The following KLHL4 variants were observed in gnomAD, a reference collection of about 807,000 sequenced individuals.
The protein encoded by KLHL4 is kelch-like protein 4.
KLHL4 carries 17 observed loss-of-function variants against 45.8 expected under a neutral mutation model. The observed-to-expected ratio is 0.37, with a 90% CI of 0.25 to 0.56. The LOEUF is 0.56. Ranked by LOEUF, KLHL4 falls within the 20% of genes least tolerant of loss-of-function variation. The pLI is 0.79. For synonymous variants in KLHL4, 224 were observed against 189.9 expected (o/e 1.18, Z -1.47); for missense variants, 544 against 544.9 (o/e 1.00, Z 0.02).
intron 1 of KLHL4, among the ~76,000 whole-genome samples, chrX:87,609,785 T>C (rs926289086): frequency 6.3e-5 from 7 of 111,674 alleles, no homozygotes; most frequent in African/African-American, 2.3e-4. Flanking sequence ...ATTTGTCAAT[T>C]TTGGCTTGTG....
At chrX:87,648,959 C>A (rs1923722950) in intron 9 of KLHL4, among the ~76,000 whole-genome samples, 2 of 111,421 alleles carry the variant, frequency 1.8e-5, no homozygotes, top group Admixed American at 1.9e-4. Flanking sequence ...CTGAAGAAAA[C>A]CACATTAGTT....
intron 1 of KLHL4, among the ~76,000 whole-genome samples, chrX:87,568,391 C>CTTT (rs58586775): frequency 0.026 from 1,469 of 57,391 alleles, 43 homozygotes; most frequent in Non-Finnish European, 0.033. Context: ...TTCTTTTTTT[C>CTTT]TTTTTTTTTT....
intron 8 of KLHL4, among the ~76,000 whole-genome samples, chrX:87,634,931 ATGTC>A (rs1179523002): frequency 8.9e-6 from 1 of 111,745 alleles, no homozygotes; most frequent in Non-Finnish European, 1.9e-5. Context: ...GGATTAATAA[ATGTC>A]TGTCTTCTTT....
intron 1 of KLHL4, among the ~76,000 whole-genome samples, chrX:87,546,767 C>G (rs1931692661): frequency 8.9e-6 from 1 of 112,624 alleles, no homozygotes; most frequent in African/African-American, 3.2e-5. Context: ...GATGTGGGAG[C>G]CCACCCTTTG....
chrX:87,629,944 T>A (rs968358890), intron 6 of KLHL4, among the ~76,000 whole-genome samples: 3 of 111,919 alleles, frequency 2.7e-5, no homozygotes, highest in Non-Finnish European at 5.6e-5. Context: ...CAATTGCTAA[T>A]GTATAAATCA....
chrX:87,568,383 CTTTTTTTCTTTTTTTTTTT>C (rs1195364899), intron 1 of KLHL4, among the ~76,000 whole-genome samples: 2 of 59,250 alleles, frequency 3.4e-5, no homozygotes, highest in African/African-American at 1.3e-4. Flanking sequence ...TTTTTCTTTT[CTTTTTTTCTTTTTTTTTTT>C]TTTTTTTTGC....
intron 1 of KLHL4, among the ~76,000 whole-genome samples, chrX:87,536,976 A>G (rs183913518): frequency 1.4e-4 from 16 of 111,707 alleles, no homozygotes; most frequent in African/African-American, 5.2e-4. Flanking sequence ...TTTACTTTTC[A>G]TATTGTATCA....
intron 1 of KLHL4, among the ~76,000 whole-genome samples, chrX:87,528,576 G>A (rs1043296620): frequency 1.8e-5 from 2 of 108,147 alleles, no homozygotes; most frequent in African/African-American, 3.4e-5. Flanking sequence ...TTAGCTCAGC[G>A]TGGTGGCACG....
chrX:87,532,057 G>A (rs980704208), intron 1 of KLHL4, among the ~76,000 whole-genome samples: 1 of 109,776 alleles, frequency 9.1e-6, no homozygotes, highest in Non-Finnish European at 1.9e-5. Flanking sequence ...AAAGCTGGAG[G>A]CATCACACTA....
chrX:87,620,727 T>G (rs1356296754), intron 4 of KLHL4, among the ~76,000 whole-genome samples: 1 of 112,437 alleles, frequency 8.9e-6, no homozygotes, highest in Non-Finnish European at 1.9e-5. Flanking sequence ...TTCAGAGGCT[T>G]ATGCTTGAAT....
chrX:87,522,071 A>G (rs1311023984), intron 1 of KLHL4, among the ~76,000 whole-genome samples: 6 of 112,770 alleles, frequency 5.3e-5, no homozygotes, highest in African/African-American at 1.9e-4. Flanking sequence ...TTCATCCTCA[A>G]CACAAACCCA....
At chrX:87,531,269 A>G (rs1931269299) in intron 1 of KLHL4, among the ~76,000 whole-genome samples, 1 of 110,300 alleles carries the variant, frequency 9.1e-6, no homozygotes, top group African/African-American at 3.3e-5. Context: ...TCTTTAGTTT[A>G]ATTAGATCCC....
rs756469573 is a variant in KLHL4, at chrX:87,568,383, CTTT to C, written c.423-45489_423-45487del. On this transcript the variant is annotated intron_variant, in intron 1 of 10. Coordinates refer to ENST00000373119, the MANE Select transcript of KLHL4 (RefSeq NM_019117.5). The stretch of plus-strand genomic sequence containing the variant: ...CTACAGCTTTTTTTCTTTTTCTTTT[CTTT>C]TTTTCTTTTTTTTTTTTTTTTTTTG... Among the ~76,000 whole-genome samples the C allele has an allele frequency of 1.0e-4, 6 of 59,248 alleles. No homozygotes were observed. In the Admixed American group the frequency reaches 1.1e-3, roughly 11 times the overall value. The allele number at this position is 59,248 out of a possible 115,157, so 51.4% of individuals were successfully genotyped here.
chrX:87,547,145 T>A (rs1931700490), intron 1 of KLHL4, among the ~76,000 whole-genome samples: 1 of 111,216 alleles, frequency 9.0e-6, no homozygotes, highest in Non-Finnish European at 1.9e-5. Context: ...AATAATATGG[T>A]TTGGCTTTGT....
In KLHL4 at chrX:87,669,600, GAAA is replaced by G; in HGVS notation, c.*3077_*3079del. On this transcript the variant is annotated 3_prime_UTR_variant, in exon 11 of 11. Coordinates refer to ENST00000373119, the MANE Select transcript of KLHL4 (RefSeq NM_019117.5). ...ACCTTGAGATCTTAGTCTAGGTAAA[GAAA>G]AAAAAAAAAAGGTCATGAAACACAA... is the stretch of plus-strand genomic sequence containing the variant. The G allele has an allele frequency of 1.1e-4, 26 of 231,456 alleles. No homozygotes were observed. Among genetic ancestry groups the G allele is most frequent in the Middle Eastern group, 1.3e-3 (1 of 793 alleles). The allele number at this position is 231,456 out of a possible 1,213,427, so 19.1% of individuals were successfully genotyped here.
At chrX:87,533,597 T>G (rs1457422224) in intron 1 of KLHL4, among the ~76,000 whole-genome samples, 2 of 106,961 alleles carry the variant, frequency 1.9e-5, no homozygotes, top group African/African-American at 6.8e-5. Context: ...GAGATATACC[T>G]AATGCTAAAT....
intron 1 of KLHL4, among the ~76,000 whole-genome samples, chrX:87,600,889 A>G (rs1327237316): frequency 8.9e-6 from 1 of 112,148 alleles, no homozygotes; most frequent in East Asian, 2.8e-4. Flanking sequence ...AAAGATATCC[A>G]TAGAAAAGCA....
chrX:87,525,890 C>T (rs755646845), intron 1 of KLHL4, among the ~76,000 whole-genome samples: 1 of 111,229 alleles, frequency 9.0e-6, no homozygotes, highest in Non-Finnish European at 1.9e-5. Flanking sequence ...TCATCCCTTG[C>T]ATGCTTTTAA....
chrX:87,600,192 A>C (rs5922459), intron 1 of KLHL4, among the ~76,000 whole-genome samples: 52,690 of 109,899 alleles, frequency 0.48, 9,513 homozygotes, highest in Middle Eastern at 0.64. Flanking sequence ...GGTCATTTAA[A>C]AGTGTGTAGC....
Sources: allele counts gnomAD v4.1 joint callset (sites outside exome capture counted in the v4.1 genomes callset), GRCh38; gene constraint gnomAD v4.1.1; transcripts MANE v1.5; gene names NCBI Gene and HGNC (gene_info 2026-07-23, HGNC 2026-07-21).